The following OPCML variants were observed in gnomAD, a reference collection of about 807,000 sequenced individuals.
OPCML encodes the protein opioid-binding protein/cell adhesion molecule.
Under a neutral mutation model 37.8 loss-of-function variants are expected in OPCML, and 13 were observed. That is an observed-to-expected ratio of 0.34 (90% CI 0.22 to 0.55). The LOEUF is 0.55. Ranked by LOEUF, OPCML falls within the 20% of genes least tolerant of loss-of-function variation. The probability of loss-of-function intolerance (pLI) is 0.91; values close to 1 mark genes in which losing one functional copy is unlikely to be tolerated. For missense variants in OPCML, 341 were observed against 435.6 expected, an observed-to-expected ratio of 0.78 and a Z score of 1.93; for synonymous variants, 176 against 168.8, an observed-to-expected ratio of 1.04 and a Z score of -0.33.
chr11:133,487,802 TGC>T (rs61699052), intron 1 of OPCML, among the ~76,000 whole-genome samples: 2 of 149,962 alleles, frequency 1.3e-5, no homozygotes, highest in African/African-American at 5.0e-5. Flanking sequence ...TGTGTGTGTG[TGC>T]GTGTGTGTAA....
intron 1 of OPCML, among the ~76,000 whole-genome samples, chr11:132,981,632 G>C (rs550899372): frequency 3.3e-5 from 5 of 152,216 alleles, no homozygotes; most frequent in Non-Finnish European, 5.9e-5. Context: ...AGAATGACTA[G>C]AGGAGAGATA....
chr11:132,780,478 C>G (rs1946971090), intron 2 of OPCML, among the ~76,000 whole-genome samples: 1 of 152,122 alleles, frequency 6.6e-6, no homozygotes, highest in Non-Finnish European at 1.5e-5. Flanking sequence ...CAAACTTAGT[C>G]CCCTGAGAAA....
At chr11:132,913,613 A>G (rs1275962836) in intron 2 of OPCML, among the ~76,000 whole-genome samples, 1 of 152,154 alleles carries the variant, frequency 6.6e-6, no homozygotes, top group Non-Finnish European at 1.5e-5. Flanking sequence ...CTCTCAGTCC[A>G]GTATAGTGCC....
chr11:132,493,344 T>C (rs1169512686), intron 4 of OPCML, among the ~76,000 whole-genome samples: 1 of 152,208 alleles, frequency 6.6e-6, no homozygotes, highest in African/African-American at 2.4e-5. Context: ...GAGATGCTCT[T>C]CCCTTTATAT....
chr11:133,362,389 C>T (rs1007301136), intron 1 of OPCML, among the ~76,000 whole-genome samples: 3 of 152,286 alleles, frequency 2.0e-5, no homozygotes, highest in East Asian at 1.9e-4. Context: ...CTTCCCTTCC[C>T]GCCTCCCCTC....
intron 4 of OPCML, among the ~76,000 whole-genome samples, chr11:132,504,327 T>C (rs79112250): frequency 6.6e-6 from 1 of 151,496 alleles, no homozygotes; most frequent in African/African-American, 2.4e-5. Flanking sequence ...GAGCAGCCAT[T>C]AACAATACAA....
intron 2 of OPCML, among the ~76,000 whole-genome samples, chr11:132,664,171 G>T (rs961087558): frequency 5.3e-5 from 8 of 152,088 alleles, no homozygotes; most frequent in Admixed American, 3.3e-4. Context: ...GGCTATATAT[G>T]TGCATAACTT....
intron 1 of OPCML, among the ~76,000 whole-genome samples, chr11:133,434,798 G>GTATATATA (rs57835682): frequency 4.0e-4 from 51 of 128,988 alleles, no homozygotes; most frequent in South Asian, 7.8e-4. Flanking sequence ...TTATATATAT[G>GTATATATA]TATATATATA....
At chr11:132,741,921 C>A (rs999387369) in intron 2 of OPCML, among the ~76,000 whole-genome samples, 1 of 151,470 alleles carries the variant, frequency 6.6e-6, no homozygotes, top group Admixed American at 6.6e-5. Flanking sequence ...CCCAGCTACT[C>A]GGGAGGCTGA....
intron 2 of OPCML, among the ~76,000 whole-genome samples, chr11:132,827,481 A>G (rs4937726): frequency 0.28 from 42,574 of 151,972 alleles, 6,970 homozygotes; most frequent in Non-Finnish European, 0.39. Context: ...TGGCACTGCC[A>G]TTTTGGGAAA....
intron 1 of OPCML, chr11:133,024,522 G>T: frequency 1.0e-6 from 1 of 985,368 alleles, no homozygotes; most frequent in Middle Eastern, 5.2e-4. Flanking sequence ...AACGCTTATT[G>T]CCTGCTGTAA....
chr11:133,057,133 G>C (rs1445232464), intron 1 of OPCML, among the ~76,000 whole-genome samples: 1 of 152,208 alleles, frequency 6.6e-6, no homozygotes, highest in African/African-American at 2.4e-5. Flanking sequence ...GTGAGCTGCT[G>C]TGCCTGGCTA....
At position 133,467,195 on chromosome 11, in the gene OPCML, G is replaced by A. The variant is rs144261847; in HGVS notation, c.61+65069C>T. On this transcript the variant is annotated intron_variant, in intron 1 of 7. Transcript: ENST00000524381. Reference sequence around the variant, plus strand: ...CAAGCGCACTGCCAGGCCCAATGCTGGGCAAAATGCACAGGAGTCCTCTGT... The same window carrying A: ...CAAGCGCACTGCCAGGCCCAATGCTAGGCAAAATGCACAGGAGTCCTCTGT... Among the ~76,000 whole-genome samples the A allele has an allele frequency of 3.2e-3, 485 of 152,276 alleles. 11 individuals are homozygous for A. The highest frequency in any genetic ancestry group is 0.03 in the Admixed American group (459 of 15,296).
At chr11:133,063,621 G>T (rs912077485) in intron 1 of OPCML, among the ~76,000 whole-genome samples, 2 of 152,068 alleles carry the variant, frequency 1.3e-5, no homozygotes, top group East Asian at 3.9e-4. Flanking sequence ...GAGTGCAATG[G>T]CTTGATCTTG....
intron 1 of OPCML, among the ~76,000 whole-genome samples, chr11:133,527,530 G>A (rs1213706546): frequency 6.6e-6 from 1 of 152,086 alleles, no homozygotes; most frequent in Non-Finnish European, 1.5e-5. Context: ...ATACATATAT[G>A]GTCAGTATGA....
intron 1 of OPCML, among the ~76,000 whole-genome samples, chr11:133,009,637 C>T (rs952688271): frequency 9.9e-5 from 15 of 152,184 alleles, no homozygotes; most frequent in East Asian, 7.7e-4. Context: ...GGGGTGGGTG[C>T]GGAGAATGAA....
chr11:132,452,467 A>T (rs546660948), intron 4 of OPCML, among the ~76,000 whole-genome samples: 2 of 151,458 alleles, frequency 1.3e-5, no homozygotes, highest in East Asian at 3.9e-4. Flanking sequence ...GCTGTGATCC[A>T]CCAGCCTGCC....
chr11:132,772,712 T>C (rs1946679533), intron 2 of OPCML: 1 of 152,220 alleles, frequency 6.6e-6, no homozygotes, highest in Non-Finnish European at 1.5e-5. Flanking sequence ...AGGTTGTCAA[T>C]GATATTTTAT....
chr11:132,978,396 A>G (rs2136779604), intron 1 of OPCML, among the ~76,000 whole-genome samples: 1 of 152,288 alleles, frequency 6.6e-6, no homozygotes, highest in African/African-American at 2.4e-5. Flanking sequence ...AGGGAGGCCA[A>G]TCAAGGTATC....
Sources: allele counts gnomAD v4.1 joint callset (sites outside exome capture counted in the v4.1 genomes callset), GRCh38; gene constraint gnomAD v4.1.1; transcripts MANE v1.5; gene names NCBI Gene and HGNC (gene_info 2026-07-23, HGNC 2026-07-21).